Variants in VWA3B observed in about 807,000 individuals in gnomAD.
VWA3B encodes von Willebrand factor A domain containing 3B.
VWA3B carries 138 observed loss-of-function variants against 158.3 expected under a neutral mutation model. The ratio of observed to expected loss-of-function variants is 0.87; its 90% CI spans 0.76 to 1.00. The LOEUF is 1.00. Ranked by LOEUF, VWA3B falls within the 50% of genes least tolerant of loss-of-function variation. The pLI, the probability that VWA3B is intolerant of heterozygous loss-of-function variation, is 0.00. For synonymous variants in VWA3B, 596 were observed against 587.3 expected (o/e 1.01, Z -0.21); for missense variants, 1,555 against 1,565.1 (o/e 0.99, Z 0.11).
At chr2:98,308,154 T>C (rs1218487144) in intron 26 of VWA3B, among the ~76,000 whole-genome samples, 1 of 152,226 alleles carries the variant, frequency 6.6e-6, no homozygotes, top group East Asian at 1.9e-4. Flanking sequence ...TCAATATTGC[T>C]AAATTCCAGA....
chr2:98,090,743 C>CT (rs907853832), intron 1 of VWA3B, among the ~76,000 whole-genome samples: 220 of 146,114 alleles, frequency 1.5e-3, no homozygotes, highest in East Asian at 6.1e-3. Flanking sequence ...AAATTATTAT[C>CT]TTTTTTTTTT....
chr2:98,319,843 G>A, the VWA3B span, among the ~76,000 whole-genome samples: 664 of 151,106 alleles, frequency 4.4e-3, 4 homozygotes, highest in Middle Eastern at 0.01. Context: ...TCACGCCACT[G>A]CACTCCAACC....
the VWA3B span, among the ~76,000 whole-genome samples, chr2:98,324,048 A>G: frequency 6.6e-6 from 1 of 152,244 alleles, no homozygotes; most frequent in African/African-American, 2.4e-5. Context: ...TTGAAAAACC[A>G]GAAAACAGAG....
intron 12 of VWA3B, among the ~76,000 whole-genome samples, chr2:98,211,291 G>A (rs1366683994): frequency 2.0e-5 from 3 of 152,218 alleles, no homozygotes; most frequent in African/African-American, 7.2e-5. Flanking sequence ...TCAAAGTCCT[G>A]TATCTCTACT....
chr2:98,266,116 G>A (rs1165846095), intron 21 of VWA3B, among the ~76,000 whole-genome samples: 1 of 149,158 alleles, frequency 6.7e-6, no homozygotes, highest in Non-Finnish European at 1.5e-5. Flanking sequence ...TGAAGTCCTT[G>A]CCCATGCCTA....
At chr2:98,097,028 G>C (rs950350240) in intron 2 of VWA3B, among the ~76,000 whole-genome samples, 2 of 151,990 alleles carry the variant, frequency 1.3e-5, no homozygotes, top group Non-Finnish European at 2.9e-5. Context: ...TGCTTTTGCT[G>C]TACCCATAGG....
chr2:98,131,942 C>T (rs111774650), intron 6 of VWA3B, among the ~76,000 whole-genome samples: 8 of 152,314 alleles, frequency 5.3e-5, no homozygotes, highest in South Asian at 4.2e-4. Flanking sequence ...GCTGCTCTTA[C>T]GGCACTTTGA....
intron 12 of VWA3B, among the ~76,000 whole-genome samples, chr2:98,195,089 T>C (rs571305000): frequency 1.4e-3 from 213 of 152,328 alleles, no homozygotes; most frequent in Non-Finnish European, 2.5e-3. Flanking sequence ...TTATAGCATA[T>C]AGCATTGCGA....
chr2:98,201,434 A>G (rs762307194), intron 12 of VWA3B, among the ~76,000 whole-genome samples: 2 of 152,092 alleles, frequency 1.3e-5, no homozygotes, highest in Non-Finnish European at 2.9e-5. Context: ...ATGAATAGAG[A>G]TGATTTTATT....
At chr2:98,306,693 C>T (rs974081126) in intron 26 of VWA3B, among the ~76,000 whole-genome samples, 1 of 152,150 alleles carries the variant, frequency 6.6e-6, no homozygotes, top group Non-Finnish European at 1.5e-5. Context: ...TGTTATCAAT[C>T]ATTATTTTAG....
intron 8 of VWA3B, among the ~76,000 whole-genome samples, chr2:98,164,650 A>C (rs1025478791): frequency 1.3e-5 from 2 of 152,214 alleles, no homozygotes; most frequent in Admixed American, 6.5e-5. Flanking sequence ...TTTACAAAAA[A>C]ATATTAGCAG....
At chr2:98,138,966 C>T (rs1001607206) in intron 7 of VWA3B, among the ~76,000 whole-genome samples, 5 of 152,228 alleles carry the variant, frequency 3.3e-5, no homozygotes, top group South Asian at 4.1e-4. Context: ...TGACCAAGGC[C>T]GGAGTCGGCT....
chr2:98,329,464 T>C, the VWA3B span, among the ~76,000 whole-genome samples: 5 of 151,960 alleles, frequency 3.3e-5, no homozygotes, highest in African/African-American at 1.2e-4. Flanking sequence ...TTCTAGGATA[T>C]AAAATAACTC....
At chr2:98,113,158 A>T (rs1674276525) in intron 2 of VWA3B, among the ~76,000 whole-genome samples, 1 of 151,316 alleles carries the variant, frequency 6.6e-6, no homozygotes, top group African/African-American at 2.4e-5. Flanking sequence ...TATTGATTGC[A>T]TTTTCTTTTG....
At chr2:98,294,203 C>CAAAAAAAAAAA in intron 23 of VWA3B, among the ~76,000 whole-genome samples, 1 of 56,296 alleles carries the variant, frequency 1.8e-5, no homozygotes, top group Non-Finnish European at 3.0e-5. Flanking sequence ...CACACACACA[C>CAAAAAAAAAAA]AAAAAAAAAA....
Position 98,125,124 on chromosome 2 carries a change from G to T in VWA3B, c.703-3115G>T, listed in dbSNP as rs1367534147. 6.6e-6 allele frequency among the ~76,000 whole-genome samples: 1 copy of T among 152,190 alleles called. No individual in the cohort carries two copies. Among genetic ancestry groups the T allele is most frequent in the Non-Finnish European group, 1.5e-5 (1 of 68,024 alleles). ...CTCAGGACTGGACTTTGCCTTCAAG[G>T]AGCTCAAAGACACTGGTTAAGGGAG... On this transcript the variant is annotated intron_variant, in intron 5 of 27. Coordinates refer to ENST00000477737, the MANE Select transcript of VWA3B (RefSeq NM_144992.5). The surrounding 1 kb of genome is among the most constrained non-coding windows in gnomAD (Gnocchi z 4.1).
At chr2:98,194,869 A>G (rs917739499) in intron 12 of VWA3B, among the ~76,000 whole-genome samples, 2 of 152,140 alleles carry the variant, frequency 1.3e-5, no homozygotes, top group African/African-American at 2.4e-5. Context: ...ATTCTTATCA[A>G]TGGGCTTTGT....
At chr2:98,131,246 AC>A (rs1388716147) in intron 6 of VWA3B, among the ~76,000 whole-genome samples, 1 of 151,992 alleles carries the variant, frequency 6.6e-6, no homozygotes, top group East Asian at 1.9e-4. Flanking sequence ...TAATATAATG[AC>A]CTCCAGTTCC....
intron 12 of VWA3B, among the ~76,000 whole-genome samples, chr2:98,194,830 A>G (rs1361946305): frequency 1.3e-5 from 2 of 151,820 alleles, no homozygotes; most frequent in African/African-American, 4.8e-5. Flanking sequence ...CTGAAATTTC[A>G]TTATTGTTGC....
Sources: gnomAD v4.1 joint callset for allele counts (sites outside exome capture counted in the v4.1 genomes callset) on GRCh38, gnomAD v4.1.1 for gene constraint, Gnocchi (gnomAD v3.1) non-coding constraint, MANE v1.5 for transcripts, NCBI Gene and HGNC (gene_info 2026-07-23, HGNC 2026-07-21) for gene names.